SORCS1: variants seen among roughly 807,000 people sequenced by gnomAD.
SORCS1 encodes the protein VPS10 domain-containing receptor SorCS1.
A neutral mutation model predicts 146.1 loss-of-function variants in SORCS1; 60 were observed. The observed-to-expected ratio is 0.41, with a 90% CI of 0.33 to 0.51. The LOEUF (loss-of-function observed/expected upper bound fraction) is 0.51. SORCS1 is among the 20% of genes least tolerant of loss of function. The pLI, the probability that SORCS1 is intolerant of heterozygous loss-of-function variation, is 0.21. For synonymous variants in SORCS1, 637 were observed against 584.0 expected (o/e 1.09, Z -1.31); for missense variants, 1,352 against 1,487.6 (o/e 0.91, Z 1.50).
At chr10:106,954,285 C>T (rs1201485824) in intron 2 of SORCS1, among the ~76,000 whole-genome samples, 2 of 152,166 alleles carry the variant, frequency 1.3e-5, no homozygotes, top group Non-Finnish European at 2.9e-5. Flanking sequence ...GAAAAAAATG[C>T]TGGCTTTTAC....
intron 1 of SORCS1, among the ~76,000 whole-genome samples, chr10:107,032,530 A>G (rs771578986): frequency 2.6e-4 from 39 of 152,128 alleles, no homozygotes; most frequent in Non-Finnish European, 4.9e-4. Context: ...CCTCAATTCT[A>G]CCTCTAGTTT....
chr10:107,040,664 A>G (rs1236881975), intron 1 of SORCS1, among the ~76,000 whole-genome samples: 2 of 152,236 alleles, frequency 1.3e-5, no homozygotes, highest in Non-Finnish European at 1.5e-5. Flanking sequence ...ATCAGCATGC[A>G]TCTCATAAAG....
intron 1 of SORCS1, among the ~76,000 whole-genome samples, chr10:107,127,514 G>A (rs991842581): frequency 1.3e-5 from 2 of 152,062 alleles, no homozygotes; most frequent in Non-Finnish European, 2.9e-5. Flanking sequence ...GCATAACTTT[G>A]TCTATGATTT....
chr10:106,744,972 G>A (rs542760034), intron 5 of SORCS1, among the ~76,000 whole-genome samples: 29 of 152,142 alleles, frequency 1.9e-4, no homozygotes, highest in African/African-American at 5.8e-4. Context: ...TCCATTCCAG[G>A]TCAGACTCTA....
intron 25 of SORCS1, chr10:106,579,064 AGCTGGT>A (rs758465096): frequency 1.1e-5 from 17 of 1,612,084 alleles, no homozygotes; most frequent in Non-Finnish European, 8.5e-7. Context: ...TCAGCCGAAC[AGCTGGT>A]GGCTACTGGG....
Position 106,942,160 on chromosome 10 carries a change from C to T in SORCS1, c.626+14353G>A, listed in dbSNP as rs570400698. On this transcript the variant is annotated intron_variant, in intron 2 of 25. Coordinates refer to ENST00000263054, the MANE Select transcript of SORCS1 (RefSeq NM_052918.5). ...ACCAGTTCCCATTCACAGAGTTCCC[C>T]GGGGACAAGACATGTTCCAAGTTTT... Among the ~76,000 whole-genome samples the T allele has an allele frequency of 1.1e-4, 16 of 152,270 alleles. No individual in the cohort carries two copies. The South Asian group carries it at 2.7e-3, about 26-fold the overall frequency.
At chr10:106,836,454 G>A (rs1383230849) in intron 2 of SORCS1, among the ~76,000 whole-genome samples, 1 of 133,554 alleles carries the variant, frequency 7.5e-6, no homozygotes. Context: ...CAGCCTGGGC[G>A]ATAGAGCGAG....
intron 2 of SORCS1, among the ~76,000 whole-genome samples, chr10:106,854,577 A>G (rs1399452095): frequency 6.6e-6 from 1 of 151,692 alleles, no homozygotes; most frequent in Non-Finnish European, 1.5e-5. Flanking sequence ...TGAGCATTTT[A>G]TACGAATTTA....
intron 2 of SORCS1, among the ~76,000 whole-genome samples, chr10:106,919,271 G>A (rs1424144854): frequency 6.6e-6 from 1 of 152,202 alleles, no homozygotes; most frequent in Non-Finnish European, 1.5e-5. Context: ...CACAATATTA[G>A]TGTGAGGTAC....
chr10:107,068,051 C>T (rs138891794), intron 1 of SORCS1, among the ~76,000 whole-genome samples: 1 of 152,260 alleles, frequency 6.6e-6, no homozygotes, highest in Non-Finnish European at 1.5e-5. Flanking sequence ...TTAAGACTCC[C>T]TCTCTCATTC....
intron 2 of SORCS1, among the ~76,000 whole-genome samples, chr10:106,921,484 T>C (rs111710263): frequency 2.0e-5 from 3 of 152,334 alleles, no homozygotes; most frequent in African/African-American, 7.2e-5. Context: ...CTTAATTCCA[T>C]TTCAATATTC....
chr10:106,986,859 C>T (rs1956500178), intron 1 of SORCS1, among the ~76,000 whole-genome samples: 1 of 152,038 alleles, frequency 6.6e-6, no homozygotes, highest in African/African-American at 2.4e-5. Flanking sequence ...TGACCCCCAT[C>T]TATTCTCTCA....
At chr10:106,812,964 G>T (rs1282122499) in intron 3 of SORCS1, among the ~76,000 whole-genome samples, 1 of 151,870 alleles carries the variant, frequency 6.6e-6, no homozygotes, top group East Asian at 1.9e-4. Context: ...ATAATGTAGT[G>T]ACCATTTCTC....
chr10:106,988,815 G>A (rs542147569), intron 1 of SORCS1, among the ~76,000 whole-genome samples: 179 of 152,052 alleles, frequency 1.2e-3, no homozygotes, highest in African/African-American at 3.9e-3. Flanking sequence ...AAACTCCCAG[G>A]GGAAAAAGCC....
intron 13 of SORCS1, 126 bp from the exon 14 acceptor site, chr10:106,675,282 C>T (rs979202036): frequency 2.4e-5 from 16 of 659,644 alleles, no homozygotes; most frequent in Non-Finnish European, 3.3e-5. Context: ...TCAAAATGAG[C>T]CTTTCATATG....
intron 1 of SORCS1, among the ~76,000 whole-genome samples, chr10:106,997,745 A>G (rs546197139): frequency 1.5e-4 from 23 of 152,220 alleles, no homozygotes; most frequent in Non-Finnish European, 3.1e-4. Context: ...CAGAAAAACA[A>G]CAACAACAAA....
At chr10:107,102,030 C>A (rs1397552704) in intron 1 of SORCS1, among the ~76,000 whole-genome samples, 1 of 149,196 alleles carries the variant, frequency 6.7e-6, no homozygotes, top group Non-Finnish European at 1.5e-5. Context: ...TCAGTATGGC[C>A]TGGATCAAAC....
At chr10:106,650,009 A>C (rs1371872765) in intron 18 of SORCS1, among the ~76,000 whole-genome samples, 1 of 152,180 alleles carries the variant, frequency 6.6e-6, no homozygotes, top group African/African-American at 2.4e-5. Flanking sequence ...TGAACATAAT[A>C]ATCATTGTTG....
intron 3 of SORCS1, among the ~76,000 whole-genome samples, chr10:106,799,687 T>C (rs557418387): frequency 1.3e-5 from 2 of 152,228 alleles, no homozygotes; most frequent in African/African-American, 4.8e-5. Flanking sequence ...TGAGTAACCG[T>C]CTCACACCAG....
Sources: allele counts gnomAD v4.1 joint callset (sites outside exome capture counted in the v4.1 genomes callset), GRCh38; gene constraint gnomAD v4.1.1; transcripts MANE v1.5; gene names NCBI Gene and HGNC (gene_info 2026-07-23, HGNC 2026-07-21).